The following XRN1 variants were observed in gnomAD, a reference collection of about 807,000 sequenced individuals.
XRN1 encodes the protein 5'-3' exoribonuclease 1, also known as strand-exchange protein 1 homolog.
XRN1 carries 67 observed loss-of-function variants against 222.3 expected under a neutral mutation model. The ratio of observed to expected loss-of-function variants is 0.30; its 90% CI spans 0.25 to 0.37. The LOEUF is 0.37. XRN1 is among the 10% of genes least tolerant of loss of function. The pLI is 1.00. For synonymous variants in XRN1, 643 were observed against 652.4 expected, an observed-to-expected ratio of 0.99 and a Z score of 0.22; for missense variants, 1,707 against 2,000.2, an observed-to-expected ratio of 0.85 and a Z score of 2.80.
chr3:142,406,321 A>C (rs796172377), intron 15 of XRN1, among the ~76,000 whole-genome samples: 1 of 152,180 alleles, frequency 6.6e-6, no homozygotes, highest in Non-Finnish European at 1.5e-5. Flanking sequence ...ATAAAACTGG[A>C]CTTTTATCTT....
At chr3:142,442,721 C>G (rs1053913242) in intron 1 of XRN1, among the ~76,000 whole-genome samples, 1 of 152,018 alleles carries the variant, frequency 6.6e-6, no homozygotes, top group Non-Finnish European at 1.5e-5. Flanking sequence ...ACATTTCAAT[C>G]CCTGTATCTT....
chr3:142,317,159 CT>C (rs2065233841), intron 39 of XRN1, among the ~76,000 whole-genome samples: 1 of 152,180 alleles, frequency 6.6e-6, no homozygotes, highest in Admixed American at 6.5e-5. Flanking sequence ...TATTCAGAAT[CT>C]GAAGATAATC....
chr3:142,342,903 A>G (rs1345923112), intron 33 of XRN1, among the ~76,000 whole-genome samples: 11 of 152,202 alleles, frequency 7.2e-5, no homozygotes, highest in Admixed American at 4.6e-4. Flanking sequence ...ACAGGCAACC[A>G]AAGCAAAAAT....
At chr3:142,317,095 A>G (rs1260139450) in intron 39 of XRN1, among the ~76,000 whole-genome samples, 1 of 152,098 alleles carries the variant, frequency 6.6e-6, no homozygotes, top group Non-Finnish European at 1.5e-5. Context: ...CTAATTTTTG[A>G]TCTTTGTACA....
At chr3:142,422,772 A>G (rs200686665) in intron 7 of XRN1, 22 bp from the exon 8 acceptor site, 207 of 1,606,208 alleles carry the variant, frequency 1.3e-4, no homozygotes, top group South Asian at 3.8e-4. Context: ...TAGAGAACAA[A>G]GTCAAATCCA....
intron 37 of XRN1, among the ~76,000 whole-genome samples, chr3:142,327,447 T>C (rs927237561): frequency 6.6e-6 from 1 of 152,088 alleles, no homozygotes; most frequent in Non-Finnish European, 1.5e-5. Context: ...ATGTAATGAC[T>C]CCTTTTTCAT....
chr3:142,421,415 T>C lies in XRN1; in HGVS notation c.1035+61A>G, dbSNP rs1296288562. ...ACCCCTTTCTTCTGGTATTACATAATTGGTGACTGATCATTTACAGCTACT... is the reference window on the plus strand; with the variant it reads ...ACCCCTTTCTTCTGGTATTACATAACTGGTGACTGATCATTTACAGCTACT... On this transcript the variant is annotated intron_variant, in intron 9 of 40. Coordinates refer to ENST00000392981, the MANE Select transcript of XRN1 (RefSeq NM_001282857.2). 4.4e-6 allele frequency: 6 copies of C among 1,362,818 alleles called. No homozygotes were observed. The South Asian group carries it at 6.5e-5, about 15-fold the overall frequency. The allele number at this position is 1,362,818 out of a possible 1,614,324, so 84.4% of individuals were successfully genotyped here. A position where few individuals can be genotyped will look rare whatever the true frequency, so the allele number is the denominator to read the frequency against.
chr3:142,426,934 A>G (rs2069279176), intron 2 of XRN1, 93 bp from the exon 3 acceptor site: 2 of 869,014 alleles, frequency 2.3e-6, no homozygotes, highest in African/African-American at 3.4e-5. Context: ...TATAACTAAA[A>G]TAGTAATTCA....
At position 142,416,681 on chromosome 3, in the gene XRN1, G is replaced by C. The variant is rs148719094; in HGVS notation, c.1436+459C>G. The stretch of plus-strand genomic sequence containing the variant: ...TATTATGAGCCTTCTGTTAGGGCTG[G>C]AGAAAATATTACCTATGTTTCATTT... On this transcript the variant is annotated intron_variant, in intron 13 of 40. Transcript: ENST00000392981. Among the ~76,000 whole-genome samples the C allele has an allele frequency of 4.7e-3, 708 of 152,210 alleles. 8 individuals carry two copies. Among genetic ancestry groups the C allele is most frequent in the African/African-American group, 0.016 (676 of 41,530 alleles).
chr3:142,357,142 G>T (rs1333494539), intron 30 of XRN1, 23 bp from the exon 31 acceptor site: 18 of 1,578,130 alleles, frequency 1.1e-5, no homozygotes, highest in South Asian at 3.5e-5. Context: ...GTTATATCAG[G>T]GTTGGAAGGA....
In XRN1 at chr3:142,355,412, T is replaced by G. The variant is rs2066438129; in HGVS notation, c.3757A>C (p.Ile1253Leu). ...SGKMQYFQPT[I>L]QEKGAVLPQE... ...CAAGGAATACTAACCTTCTCTTGTA[T>G]AGTTGGCTGAAAGTATTGCATCTTT... Residue 1253 changes from isoleucine to leucine, a missense_variant, in exon 32 of 41, where the codon ATA becomes CTA. Transcript: ENST00000392981. The G allele has an allele frequency of 1.3e-6, 2 of 1,566,224 alleles. No individual in the cohort carries two copies. Among genetic ancestry groups the G allele is most frequent in the Non-Finnish European group, 1.7e-6 (2 of 1,152,686 alleles).
In XRN1 at chr3:142,375,974, GCACA is replaced by G. The variant is rs66486380; in HGVS notation, c.2832-34_2832-31del. 557 of 1,442,076 alleles carry G rather than the reference GCACA, an allele frequency of 3.9e-4. 1 individual carries two copies. Among genetic ancestry groups the G allele is most frequent in the South Asian group, 9.2e-4 (65 of 70,398 alleles). 89.3% of individuals were successfully genotyped at this position (1,442,076 alleles called of 1,614,324 possible). A position where few individuals can be genotyped will look rare whatever the true frequency, so the allele number is the denominator to read the frequency against. On this transcript the variant is annotated intron_variant, in intron 24 of 40. Transcript: ENST00000392981. ...ATTTAAACCACACATGCGCACACGT[GCACA>G]CACACACACACACACACACACACGA... is the stretch of plus-strand genomic sequence containing the variant.
At position 142,333,040 on chromosome 3, in the gene XRN1, T is replaced by G. The variant is rs200402336; in HGVS notation, c.3989A>C (p.Glu1330Ala). The G allele has an allele frequency of 2.7e-5, 43 of 1,613,624 alleles. No individual in the cohort carries two copies. In the Admixed American group the frequency reaches 2.7e-4, roughly 10 times the overall value. The change falls in exon 35 of 41, where the codon GAA becomes GCA. Residue 1330 changes from glutamate to alanine, a missense_variant. Physicochemically the swap from Glu to Ala is moderately radical, Grantham distance 107. Coordinates refer to ENST00000392981, the MANE Select transcript of XRN1 (RefSeq NM_001282857.2). Reference protein sequence around the residue: ...NFLASLNISKENEVQSSHHGE... With the variant: ...NFLASLNISKANEVQSSHHGE... ...ATGATGAGATGACTGTACTTCATTT[T>G]CTTTGGAGATATTCAAAGATGCTAA...
At chr3:142,341,148 CAGG>C (rs1344563181) in intron 33 of XRN1, among the ~76,000 whole-genome samples, 1 of 151,996 alleles carries the variant, frequency 6.6e-6, no homozygotes, top group Non-Finnish European at 1.5e-5. Flanking sequence ...TATTATTAAG[CAGG>C]AGGATGAAGT....
At chr3:142,352,115 T>C (rs1307035558) in intron 32 of XRN1, among the ~76,000 whole-genome samples, 1 of 152,212 alleles carries the variant, frequency 6.6e-6, no homozygotes, top group Admixed American at 6.5e-5. Flanking sequence ...ATCGTCATCC[T>C]TGGCCTAAAT....
Position 142,433,011 on chromosome 3 carries a change from C to T in XRN1, c.76-118G>A. 4 of 753,250 alleles carry T rather than the reference C, an allele frequency of 5.3e-6. No individual in the cohort carries two copies. The South Asian group carries it at 6.6e-5, about 12-fold the overall frequency. The allele number at this position is 753,250 out of a possible 1,614,324, so 46.7% of individuals were successfully genotyped here. Reference sequence around the variant, plus strand: ...AGCAGGATTTGTGTATTCTATTATACAAAAACTGAGTAAACAATCACAGAT... The same window carrying T: ...AGCAGGATTTGTGTATTCTATTATATAAAAACTGAGTAAACAATCACAGAT... On this transcript the variant is annotated intron_variant, in intron 1 of 40. Transcript: ENST00000392981.
chr3:142,437,972 C>T (rs1236746850), intron 1 of XRN1, among the ~76,000 whole-genome samples: 3 of 152,068 alleles, frequency 2.0e-5, no homozygotes, highest in Admixed American at 1.3e-4. Context: ...ATCAGAGAAA[C>T]GCAAATCAAA....
chr3:142,440,415 G>C (rs1466764786), intron 1 of XRN1, among the ~76,000 whole-genome samples: 5 of 151,888 alleles, frequency 3.3e-5, no homozygotes, highest in African/African-American at 1.2e-4. Flanking sequence ...GCTTGAGGAA[G>C]GAATTAATCC....
chr3:142,366,476 T>C (rs917577450), intron 27 of XRN1, among the ~76,000 whole-genome samples: 1 of 152,236 alleles, frequency 6.6e-6, no homozygotes, highest in African/African-American at 2.4e-5. Flanking sequence ...GTATGCTGTA[T>C]ATTGATTAAT....
Sources: gnomAD v4.1 joint callset for allele counts (sites outside exome capture counted in the v4.1 genomes callset) on GRCh38, gnomAD v4.1.1 for gene constraint, MANE v1.5 for transcripts, NCBI Gene and HGNC (gene_info 2026-07-23, HGNC 2026-07-21) for gene names.